Variants in ARHGEF28 observed in about 807,000 individuals in gnomAD.
ARHGEF28 encodes 190 kDa guanine nucleotide exchange factor.
ARHGEF28 carries 152 observed loss-of-function variants against 206.6 expected under a neutral mutation model. The ratio of observed to expected loss-of-function variants is 0.74; its 90% CI spans 0.64 to 0.84. The LOEUF (loss-of-function observed/expected upper bound fraction) is 0.84, where lower values mean the gene tolerates loss of function less well. Ranked by LOEUF, ARHGEF28 falls within the 40% of genes least tolerant of loss-of-function variation. The probability of loss-of-function intolerance (pLI) is 0.00; values close to 1 mark genes in which losing one functional copy is unlikely to be tolerated. For synonymous variants in ARHGEF28, 763 were observed against 776.4 expected (o/e 0.98, Z 0.29); for missense variants, 2,028 against 2,073.2 (o/e 0.98, Z 0.42).
intron 2 of ARHGEF28, among the ~76,000 whole-genome samples, chr5:73,734,663 C>T (rs1750806899): frequency 6.6e-6 from 1 of 152,130 alleles, no homozygotes; most frequent in African/African-American, 2.4e-5. Context: ...GATTAAGATC[C>T]TGGAAAATGA....
At position 73,733,935 on chromosome 5, in the gene ARHGEF28, T is replaced by G. The variant is rs200095164; in HGVS notation, c.34-15902T>G. On this transcript the variant is annotated intron_variant, in intron 2 of 35. Transcript: ENST00000513042. ...GGTGAAGGGGGAGCACACAGTCACA[T>G]GGCCAGAGCAGGAACAAGAGAGCAA... Among the ~76,000 whole-genome samples the G allele has an allele frequency of 8.5e-5, 13 of 152,190 alleles. No individual in the cohort carries two copies. The East Asian group carries it at 2.3e-3, about 27-fold the overall frequency.
chr5:73,800,892 T>A (rs1019673610), intron 9 of ARHGEF28, among the ~76,000 whole-genome samples: 1 of 152,124 alleles, frequency 6.6e-6, no homozygotes, highest in African/African-American at 2.4e-5. Flanking sequence ...CTAAACAGAA[T>A]GTTAGGTGGT....
At chr5:73,834,830 C>T (rs78851709) in intron 10 of ARHGEF28, among the ~76,000 whole-genome samples, 5,212 of 152,068 alleles carry the variant, frequency 0.034, 306 homozygotes, top group African/African-American at 0.12. Context: ...GCTATACTAG[C>T]AGGTTTGTGT....
chr5:73,883,348 C>G (rs543568296), intron 23 of ARHGEF28, among the ~76,000 whole-genome samples: 1 of 152,134 alleles, frequency 6.6e-6, no homozygotes, highest in South Asian at 2.1e-4. Flanking sequence ...AAAAAGTTGT[C>G]CTGATTAGAG....
intron 35 of ARHGEF28, among the ~76,000 whole-genome samples, chr5:73,919,148 C>G (rs1017390442): frequency 6.6e-6 from 1 of 152,186 alleles, no homozygotes; most frequent in Non-Finnish European, 1.5e-5. Context: ...TGAGCATCAG[C>G]TTCCTTCCTA....
rs2973557 is a variant in ARHGEF28 at position 73,868,381 on chromosome 5, C to A, written c.2425+154C>A. Among the ~76,000 whole-genome samples, 95,098 of 151,840 alleles carry A rather than the reference C, an allele frequency of 0.63. 30,300 individuals carry two copies. Among genetic ancestry groups the A allele is most frequent in the African/African-American group, 0.74 (30,714 of 41,424 alleles). On this transcript the variant is annotated intron_variant, in intron 20 of 35. Transcript: ENST00000513042. Reference sequence around the variant, plus strand: ...TTTGGTATAGGTTCTACTTTTTAAACGAATGAAAATTTAGCCCCAGAGGAG... The same window carrying A: ...TTTGGTATAGGTTCTACTTTTTAAAAGAATGAAAATTTAGCCCCAGAGGAG...
chr5:73,797,196 G>C (rs10473960), intron 9 of ARHGEF28, among the ~76,000 whole-genome samples: 4,790 of 152,260 alleles, frequency 0.031, 104 homozygotes, highest in Non-Finnish European at 0.048. Context: ...TGTTGTGCTA[G>C]CATTTTCTTT....
In ARHGEF28 at chr5:73,887,611, G is replaced by C. The variant is rs746070168; in HGVS notation, c.3319G>C (p.Ala1107Pro). Residue 1107 changes from alanine to proline, a missense_variant, in exon 26 of 36, where the codon GCT becomes CCT. Coordinates refer to ENST00000513042, the MANE Select transcript of ARHGEF28 (RefSeq NM_001177693.2). ...ATGTTTTTTCTTTAAAGATATCCTA[G>C]CTCTACTTCTAACTGATGTGCTGCT... is the stretch of plus-strand genomic sequence containing the variant. ...TATGRFKDIL[A>P]LLLTDVLLFL... 2 of 1,563,926 alleles carry C rather than the reference G, an allele frequency of 1.3e-6. No homozygotes were observed. The highest frequency in any genetic ancestry group is 2.4e-5 in the South Asian group (2 of 84,094).
At chr5:73,792,472 C>T (rs1365858176) in intron 7 of ARHGEF28, among the ~76,000 whole-genome samples, 1 of 152,084 alleles carries the variant, frequency 6.6e-6, no homozygotes, top group Non-Finnish European at 1.5e-5. Flanking sequence ...CGAATAAATG[C>T]TGTATGTACA....
At chr5:73,756,909 CAA>C (rs1420356175) in intron 4 of ARHGEF28, among the ~76,000 whole-genome samples, 1 of 152,110 alleles carries the variant, frequency 6.6e-6, no homozygotes, top group African/African-American at 2.4e-5. Context: ...TGGGAATAAA[CAA>C]GAGTATTTGG....
chr5:73,768,518 G>A (rs185079843), intron 4 of ARHGEF28, among the ~76,000 whole-genome samples: 66 of 152,308 alleles, frequency 4.3e-4, no homozygotes, highest in African/African-American at 1.5e-3. Context: ...CTGAATTTCA[G>A]ACTTGCGTAG....
intron 35 of ARHGEF28, among the ~76,000 whole-genome samples, chr5:73,929,049 C>T (rs1210226160): frequency 6.6e-6 from 1 of 152,208 alleles, no homozygotes. Flanking sequence ...CATTCTCCTG[C>T]CTCAGCCTCC....
At position 73,891,379 on chromosome 5, in the gene ARHGEF28, T is replaced by C. The variant is rs115711113; in HGVS notation, c.3388-673T>C. ...AGAGTATTGCAAGTCTAATGGACTT[T>C]TTAGGGCCTCCCTCCTTCTCAGTCT... is the stretch of plus-strand genomic sequence containing the variant. On this transcript the variant is annotated intron_variant, in intron 26 of 35. Coordinates refer to ENST00000513042, the MANE Select transcript of ARHGEF28 (RefSeq NM_001177693.2). Among the ~76,000 whole-genome samples the C allele has an allele frequency of 8.0e-3, 1,219 of 152,230 alleles. 13 individuals carry two copies. The highest frequency in any genetic ancestry group is 0.028 in the African/African-American group (1,170 of 41,522).
intron 1 of ARHGEF28, among the ~76,000 whole-genome samples, chr5:73,662,677 G>A (rs1027349069): frequency 1.3e-5 from 2 of 152,154 alleles, no homozygotes; most frequent in Admixed American, 6.5e-5. Context: ...TAAAGTATGA[G>A]TTATCAATTA....
intron 1 of ARHGEF28, among the ~76,000 whole-genome samples, chr5:73,639,495 A>G (rs776199994): frequency 1.3e-5 from 2 of 151,920 alleles, no homozygotes; most frequent in Non-Finnish European, 1.5e-5. Flanking sequence ...CTATAAATTT[A>G]TATACATTTT....
chr5:73,807,390 C>T (rs1330970512), intron 9 of ARHGEF28, among the ~76,000 whole-genome samples: 1 of 152,070 alleles, frequency 6.6e-6, no homozygotes, highest in Non-Finnish European at 1.5e-5. Flanking sequence ...ATCAAGGTTT[C>T]CTGTTGTTTG....
At chr5:73,832,266 A>G (rs1757344016) in intron 9 of ARHGEF28, 72 bp from the exon 10 acceptor site, 4 of 1,554,678 alleles carry the variant, frequency 2.6e-6, no homozygotes, top group Non-Finnish European at 3.5e-6. Context: ...CTTATGGTCT[A>G]AGAAGGTAAA....
At chr5:73,641,560 T>A (rs1485619251) in intron 1 of ARHGEF28, among the ~76,000 whole-genome samples, 2 of 152,210 alleles carry the variant, frequency 1.3e-5, no homozygotes, top group African/African-American at 4.8e-5. Context: ...TGTTGCCTCA[T>A]TGAGAAGGAT....
At chr5:73,828,927 C>T (rs1378387022) in intron 9 of ARHGEF28, among the ~76,000 whole-genome samples, 1 of 152,042 alleles carries the variant, frequency 6.6e-6, no homozygotes, top group Non-Finnish European at 1.5e-5. Context: ...CTCAAGCAAT[C>T]CTCTCACTTC....
Sources: allele counts gnomAD v4.1 joint callset (sites outside exome capture counted in the v4.1 genomes callset), GRCh38; gene constraint gnomAD v4.1.1; transcripts MANE v1.5; gene names NCBI Gene and HGNC (gene_info 2026-07-23, HGNC 2026-07-21).